NEO1: variants seen among roughly 807,000 people sequenced by gnomAD.
NEO1 encodes neogenin 1.
NEO1 carries 63 observed loss-of-function variants against 159.7 expected under a neutral mutation model. The ratio of observed to expected loss-of-function variants is 0.39; its 90% CI spans 0.32 to 0.49. NEO1 has a LOEUF of 0.49. Ranked by LOEUF, NEO1 falls within the 20% of genes least tolerant of loss-of-function variation. The pLI, the probability that NEO1 is intolerant of heterozygous loss-of-function variation, is 0.85. For missense variants in NEO1, 1,615 were observed against 1,831.0 expected, an observed-to-expected ratio of 0.88 and a Z score of 2.15; for synonymous variants, 633 against 662.0, an observed-to-expected ratio of 0.96 and a Z score of 0.67.
intron 7 of NEO1, among the ~76,000 whole-genome samples, chr15:73,193,971 T>C (rs2152025901): frequency 6.6e-6 from 1 of 152,134 alleles, no homozygotes; most frequent in South Asian, 2.1e-4. Flanking sequence ...GCAAGAAGGC[T>C]CAAAGTGCAT....
At chr15:73,219,496 T>C (rs2038101725) in intron 7 of NEO1, among the ~76,000 whole-genome samples, 1 of 143,480 alleles carries the variant, frequency 7.0e-6, no homozygotes, top group Non-Finnish European at 1.5e-5. Context: ...TTCTGTCTCG[T>C]TGATCTGTCT....
intron 13 of NEO1, among the ~76,000 whole-genome samples, chr15:73,256,363 G>A (rs181241230): frequency 6.6e-6 from 1 of 152,264 alleles, no homozygotes; most frequent in East Asian, 1.9e-4. Flanking sequence ...AGCTGGGTGT[G>A]GTGGCACCCA....
intron 15 of NEO1, among the ~76,000 whole-genome samples, chr15:73,264,598 C>CCTA: frequency 1.3e-5 from 2 of 152,114 alleles, no homozygotes; most frequent in Middle Eastern, 3.4e-3. Flanking sequence ...TAATTATTGA[C>CCTA]CTAGATAGAT....
At chr15:73,302,274 G>A (rs186714175) in intron 28 of NEO1, among the ~76,000 whole-genome samples, 70 of 152,102 alleles carry the variant, frequency 4.6e-4, no homozygotes, top group African/African-American at 1.5e-3. Flanking sequence ...TTCTCTAAGC[G>A]GAAAGCTTGG....
chr15:73,262,324 A>G (rs1461448051), intron 15 of NEO1, among the ~76,000 whole-genome samples: 2 of 152,226 alleles, frequency 1.3e-5, no homozygotes, highest in East Asian at 3.8e-4. Context: ...TGAAAAGGCA[A>G]GCCACAGACT....
chr15:73,097,934 G>A (rs72741411), intron 1 of NEO1, among the ~76,000 whole-genome samples: 13,133 of 151,810 alleles, frequency 0.087, 662 homozygotes, highest in Non-Finnish European at 0.1. Context: ...TTTTAAAGTA[G>A]TAAAATGAAT....
chr15:73,129,563 C>T (rs1567265410), intron 4 of NEO1, among the ~76,000 whole-genome samples: 2 of 152,100 alleles, frequency 1.3e-5, no homozygotes, highest in South Asian at 2.1e-4. Flanking sequence ...CAATAATCAT[C>T]GCTAATGAAA....
intron 1 of NEO1, among the ~76,000 whole-genome samples, chr15:73,091,814 T>A (rs1241695299): frequency 6.6e-6 from 1 of 150,652 alleles, no homozygotes; most frequent in Admixed American, 6.6e-5. Context: ...TCTTTCCCAG[T>A]AGAGGTCTCG....
chr15:73,187,067 CTA>C (rs556378390), intron 7 of NEO1, among the ~76,000 whole-genome samples: 12 of 152,286 alleles, frequency 7.9e-5, no homozygotes, highest in Admixed American at 5.2e-4. Flanking sequence ...TGAAAATAAA[CTA>C]TTGTAAGATT....
chr15:73,177,624 A>G (rs1842164), intron 6 of NEO1, among the ~76,000 whole-genome samples: 14,926 of 152,164 alleles, frequency 0.098, 999 homozygotes, highest in African/African-American at 0.18. Context: ...ATAGCTCACC[A>G]CAGCCTCAAA....
Position 73,189,774 on chromosome 15 carries a change from A to G in NEO1, c.1291+11347A>G, listed in dbSNP as rs114841819. 3.6e-3 allele frequency among the ~76,000 whole-genome samples: 554 copies of G among 152,352 alleles called. 4 individuals carry two copies. Among genetic ancestry groups the G allele is most frequent in the African/African-American group, 0.013 (525 of 41,586 alleles). ...TTTAAACATTAAATGAAACTTAATA[A>G]TTATAGTTAAAATATATAAAACATT... On this transcript the variant is annotated intron_variant, in intron 7 of 28. Transcript: ENST00000261908.
chr15:73,153,520 G>C (rs2033544403), intron 5 of NEO1, among the ~76,000 whole-genome samples: 1 of 152,220 alleles, frequency 6.6e-6, no homozygotes, highest in South Asian at 2.1e-4. Context: ...CTGGGTCAAA[G>C]GGAACTACAG....
At chr15:73,183,905 C>G (rs1024174673) in intron 7 of NEO1, among the ~76,000 whole-genome samples, 1 of 152,170 alleles carries the variant, frequency 6.6e-6, no homozygotes, top group Non-Finnish European at 1.5e-5. Flanking sequence ...TAACTAAACT[C>G]TTTCACACTA....
chr15:73,073,950 A>G (rs2068652777), intron 1 of NEO1, among the ~76,000 whole-genome samples: 1 of 152,178 alleles, frequency 6.6e-6, no homozygotes, highest in Non-Finnish European at 1.5e-5. Context: ...AGAATCTTAA[A>G]TGAAAAATGC....
At chr15:73,289,525 A>G (rs751766288) in intron 25 of NEO1, among the ~76,000 whole-genome samples, 2 of 152,202 alleles carry the variant, frequency 1.3e-5, no homozygotes, top group Non-Finnish European at 2.9e-5. Flanking sequence ...TCATATCTCT[A>G]TGGGAGAGAT....
intron 16 of NEO1, among the ~76,000 whole-genome samples, chr15:73,267,821 C>T (rs549639923): frequency 7.4e-4 from 112 of 152,080 alleles, no homozygotes; most frequent in African/African-American, 2.6e-3. Context: ...CAAGTCTTTG[C>T]TTAGAGTTAT....
chr15:73,067,343 C>A (rs1249799039), intron 1 of NEO1, among the ~76,000 whole-genome samples: 1 of 152,048 alleles, frequency 6.6e-6, no homozygotes, highest in African/African-American at 2.4e-5. Context: ...ATAGAACAAT[C>A]ATTCTTTTAG....
intron 1 of NEO1, among the ~76,000 whole-genome samples, chr15:73,109,662 A>G: frequency 6.6e-6 from 1 of 152,154 alleles, no homozygotes; most frequent in East Asian, 1.9e-4. Context: ...GAATCACCCT[A>G]GAATTTCCCT....
At chr15:73,148,054 C>T (rs1035114440) in intron 5 of NEO1, among the ~76,000 whole-genome samples, 1 of 152,094 alleles carries the variant, frequency 6.6e-6, no homozygotes, top group African/African-American at 2.4e-5. Context: ...CTCAAGTGAT[C>T]CACCCACCCC....
Sources: gnomAD v4.1 joint callset for allele counts (sites outside exome capture counted in the v4.1 genomes callset) on GRCh38, gnomAD v4.1.1 for gene constraint, MANE v1.5 for transcripts, NCBI Gene and HGNC (gene_info 2026-07-23, HGNC 2026-07-21) for gene names.